SCAMP2: variants seen among roughly 807,000 people sequenced by gnomAD.
SCAMP2 encodes secretory carrier-associated membrane protein 2.
Under a neutral mutation model 44.1 loss-of-function variants are expected in SCAMP2, and 25 were observed. The observed-to-expected ratio is 0.57, with a 90% confidence interval of 0.41 to 0.79. The LOEUF is 0.79. Among genes scored for constraint, SCAMP2 ranks in the 30% least tolerant of loss-of-function variants. The probability of loss-of-function intolerance (pLI) is 0.00; values close to 1 mark genes in which losing one functional copy is unlikely to be tolerated. For missense variants in SCAMP2, 355 were observed against 411.0 expected (o/e 0.86, Z 1.18); for synonymous variants, 156 against 166.0 (o/e 0.94, Z 0.46).
intron 1 of SCAMP2, among the ~76,000 whole-genome samples, chr15:74,862,171 G>A (rs1354567896): frequency 6.7e-6 from 1 of 148,552 alleles, no homozygotes; most frequent in African/African-American, 2.5e-5. Flanking sequence ...GCTGAGGCAG[G>A]AGAATCGCTT....
chr15:74,858,279 T>C (rs1352459296), intron 1 of SCAMP2, among the ~76,000 whole-genome samples: 1 of 152,064 alleles, frequency 6.6e-6, no homozygotes, highest in African/African-American at 2.4e-5. Flanking sequence ...AAAAGAGGGT[T>C]TTACTGGCCT....
At chr15:74,848,496 A>G (rs535891619) in intron 7 of SCAMP2, 104 bp downstream of exon 7, 18 of 716,064 alleles carry the variant, frequency 2.5e-5, no homozygotes, top group South Asian at 9.3e-5. Flanking sequence ...CCGCCATGGG[A>G]AAAGCAGGGC....
At chr15:74,849,320 C>T (rs976803869) in intron 6 of SCAMP2, among the ~76,000 whole-genome samples, 1 of 152,052 alleles carries the variant, frequency 6.6e-6, no homozygotes. Context: ...TGGTGGTGTG[C>T]GCCTGTAATC....
chr15:74,870,269 G>A (rs2064567019), intron 1 of SCAMP2, among the ~76,000 whole-genome samples: 1 of 152,232 alleles, frequency 6.6e-6, no homozygotes, highest in Non-Finnish European at 1.5e-5. Context: ...TTTGGAGCCA[G>A]AGATGAGGTT....
chr15:74,870,731 T>C (rs2141183890), intron 1 of SCAMP2, among the ~76,000 whole-genome samples: 1 of 152,364 alleles, frequency 6.6e-6, no homozygotes, highest in South Asian at 2.1e-4. Context: ...TGAGGGCTCC[T>C]GTTGGCTAAG....
At chr15:74,861,338 T>C (rs1353271044) in intron 1 of SCAMP2, among the ~76,000 whole-genome samples, 2 of 152,134 alleles carry the variant, frequency 1.3e-5, no homozygotes, top group Non-Finnish European at 2.9e-5. Context: ...CCAGAGTGGC[T>C]AGCTGGGTCC....
At chr15:74,853,546 G>A in intron 3 of SCAMP2, 1 of 441,706 alleles carries the variant, frequency 2.3e-6, no homozygotes. Flanking sequence ...GCAGCGAGGG[G>A]TGCAGCGGGA....
At chr15:74,853,745 G>T in intron 3 of SCAMP2, 1 of 521,330 alleles carries the variant, frequency 1.9e-6, no homozygotes, top group Non-Finnish European at 3.5e-6. Flanking sequence ...GGTACAACAG[G>T]GACAAATGCC....
chr15:74,869,308 GA>G (rs956892195), intron 1 of SCAMP2, among the ~76,000 whole-genome samples: 5 of 146,200 alleles, frequency 3.4e-5, no homozygotes, highest in East Asian at 2.0e-4. Flanking sequence ...TTCTCCAGTG[GA>G]AAAAAAAAAC....
intron 1 of SCAMP2, among the ~76,000 whole-genome samples, chr15:74,870,479 A>G (rs1411209133): frequency 6.6e-6 from 1 of 152,208 alleles, no homozygotes; most frequent in African/African-American, 2.4e-5. Flanking sequence ...CCATAAGGCT[A>G]CAAGATCCTA....
chr15:74,854,772 C>T, intron 1 of SCAMP2, 123 bp from the exon 2 acceptor site: 1 of 817,406 alleles, frequency 1.2e-6, no homozygotes, highest in Non-Finnish European at 2.0e-6. Flanking sequence ...CCCTGAGAAG[C>T]CTCTCTGGAA....
intron 1 of SCAMP2, among the ~76,000 whole-genome samples, chr15:74,872,247 T>C (rs1426616109): frequency 6.6e-6 from 1 of 152,034 alleles, no homozygotes; most frequent in East Asian, 1.9e-4. Context: ...ACCCCGTCTC[T>C]ACTAAAAGTA....
In SCAMP2 at chr15:74,850,546, A is replaced by C; in HGVS notation, c.600T>G (p.Leu200=). Residue 200 remains leucine (L), a synonymous_variant, in exon 6 of 9, where the codon CTT becomes CTG. Transcript: ENST00000268099. The part of the protein sequence containing the change: ...WFLIFTPCAF[L]CWYRPIYKAF... ...CCTTATAGATGGGTCGGTACCAACA[A>C]AGGAAGGCACAGGGAGTGAAGATCA... 1 of 1,614,034 alleles carries C rather than the reference A, an allele frequency of 6.2e-7. No individual in the cohort carries two copies. The highest frequency in any genetic ancestry group is 8.5e-7 in the Non-Finnish European group (1 of 1,179,944).
intron 5 of SCAMP2, among the ~76,000 whole-genome samples, chr15:74,850,910 G>A (rs1337774451): frequency 6.6e-6 from 1 of 152,200 alleles, no homozygotes; most frequent in Non-Finnish European, 1.5e-5. Flanking sequence ...TATCTGAGGG[G>A]TGTGGAGGGA....
In SCAMP2 at chr15:74,851,504, C is replaced by T. The variant is rs112849803; in HGVS notation, c.344-23G>A. On this transcript the variant is annotated intron_variant, in intron 4 of 8. Transcript: ENST00000268099. ...TCACTGGGTAGGGCAAAAAGAGTGA[C>T]GAGGTAAGGGCCCAGCCTCAGAAGG... 1.5e-4 allele frequency: 246 copies of T among 1,612,680 alleles called. No homozygotes were observed. In the African/African-American group the frequency reaches 1.6e-3, roughly 10 times the overall value.
chr15:74,853,775 A>C (rs1391710132), intron 3 of SCAMP2: 12 of 558,480 alleles, frequency 2.1e-5, no homozygotes, highest in Non-Finnish European at 3.5e-5. Flanking sequence ...GGCACCGAGG[A>C]GCCCGGCCTG....
chr15:74,853,790 G>A (rs560956009), intron 3 of SCAMP2: 1 of 578,900 alleles, frequency 1.7e-6, no homozygotes, highest in Non-Finnish European at 3.1e-6. Context: ...GGCCTGGTGA[G>A]TAGAGCTTAT....
chr15:74,848,862 A>C (rs1567249092), intron 6 of SCAMP2, among the ~76,000 whole-genome samples, 161 bp from the exon 7 acceptor site: 2 of 151,578 alleles, frequency 1.3e-5, no homozygotes, highest in South Asian at 2.1e-4. Flanking sequence ...ACACGCACAC[A>C]CCCCCCACCA....
intron 1 of SCAMP2, among the ~76,000 whole-genome samples, chr15:74,864,685 G>C (rs1176588803): frequency 6.6e-6 from 1 of 152,268 alleles, no homozygotes. Context: ...TGGAGAAGAG[G>C]AACAAGAGGG....
Sources: allele counts gnomAD v4.1 joint callset (sites outside exome capture counted in the v4.1 genomes callset), GRCh38; gene constraint gnomAD v4.1.1; transcripts MANE v1.5; gene names NCBI Gene and HGNC (gene_info 2026-07-23, HGNC 2026-07-21).